Variants in BANF2 observed in about 807,000 individuals in gnomAD.
BANF2 encodes the protein BANF family member 2.
Under a neutral mutation model 8.0 loss-of-function variants are expected in BANF2, and 4 were observed. That is an observed-to-expected ratio of 0.50 (90% confidence interval 0.25 to 1.14). BANF2 has a LOEUF of 1.14. BANF2 is among the 50% of genes most tolerant of loss of function. BANF2 has a pLI of 0.16. For missense variants in BANF2, 96 were observed against 107.5 expected, an observed-to-expected ratio of 0.89 and a Z score of 0.47; for synonymous variants, 50 against 40.6, an observed-to-expected ratio of 1.23 and a Z score of -0.88.
chr20:17,731,219 T>A (rs1404610739), intron 3 of BANF2: 1 of 152,038 alleles, frequency 6.6e-6, no homozygotes, highest in Non-Finnish European at 1.5e-5. Flanking sequence ...GCCGCTATCG[T>A]GCCACTGCAC....
At chr20:17,707,761 G>A (rs1341094802) in intron 1 of BANF2, among the ~76,000 whole-genome samples, 2 of 151,272 alleles carry the variant, frequency 1.3e-5, no homozygotes, top group Non-Finnish European at 2.9e-5. Flanking sequence ...TTTGTATTTA[G>A]TAGAGACGAA....
At chr20:17,725,500 T>C (rs1300209547) in intron 3 of BANF2, among the ~76,000 whole-genome samples, 3 of 152,230 alleles carry the variant, frequency 2.0e-5, no homozygotes, top group African/African-American at 7.2e-5. Context: ...CATGCCCCCA[T>C]GAAGGGACTC....
intron 1 of BANF2, chr20:17,693,754 G>A (rs953129383): frequency 1.3e-6 from 2 of 1,547,830 alleles, no homozygotes; most frequent in African/African-American, 1.4e-5. Flanking sequence ...GGAAGAGACG[G>A]CGGGGAAAGG....
intron 1 of BANF2, among the ~76,000 whole-genome samples, chr20:17,721,929 G>T (rs2037736117): frequency 6.6e-6 from 1 of 152,188 alleles, no homozygotes; most frequent in African/African-American, 2.4e-5. Context: ...TTTGTTGTGG[G>T]GCAGTTGTGT....
At chr20:17,725,000 C>T (rs1220629920) in intron 2 of BANF2, 23 bp from the exon 3 acceptor site, 1 of 1,599,254 alleles carries the variant, frequency 6.3e-7, no homozygotes, top group South Asian at 1.1e-5. Context: ...GCTAATCCTC[C>T]TCTCTCCCCA....
At chr20:17,701,523 T>A (rs1339994029) in intron 1 of BANF2, among the ~76,000 whole-genome samples, 1 of 152,002 alleles carries the variant, frequency 6.6e-6, no homozygotes, top group Non-Finnish European at 1.5e-5. Context: ...GCAGCAAGAG[T>A]GTGCAGGCCA....
At chr20:17,723,592 G>C (rs1402479649) in intron 2 of BANF2, among the ~76,000 whole-genome samples, 1 of 152,152 alleles carries the variant, frequency 6.6e-6, no homozygotes, top group Non-Finnish European at 1.5e-5. Context: ...GTCCAAACTG[G>C]CACAGAATTT....
intron 3 of BANF2, among the ~76,000 whole-genome samples, chr20:17,729,538 A>T (rs2037863180): frequency 7.9e-5 from 12 of 152,188 alleles, no homozygotes; most frequent in Admixed American, 7.9e-4. Context: ...GGAGTTTCAG[A>T]CCAGCCTGGC....
intron 1 of BANF2, 66 bp downstream of exon 1, chr20:17,700,121 A>T: frequency 1.6e-6 from 1 of 624,856 alleles, no homozygotes; most frequent in Non-Finnish European, 2.0e-6. Context: ...CTGTCTTAGC[A>T]CTTTAAGGTC....
chr20:17,722,978 A>T, intron 2 of BANF2, 100 bp downstream of exon 2: 1 of 799,964 alleles, frequency 1.3e-6, no homozygotes, highest in East Asian at 1.3e-4. Flanking sequence ...CCATGTCCTC[A>T]GCAGAGGGGC....
rs1199521987 is a variant in BANF2 at position 17,700,031 on chromosome 20, G to A, written c.-191G>A. 13 of 984,296 alleles carry A rather than the reference G, an allele frequency of 1.3e-5. No homozygotes were observed. Among genetic ancestry groups the A allele is most frequent in the Non-Finnish European group, 1.6e-5 (13 of 828,860 alleles). 61.0% of individuals were successfully genotyped at this position (984,296 alleles called of 1,614,324 possible). A position where few individuals can be genotyped will look rare whatever the true frequency, so the allele number is the denominator to read the frequency against. On this transcript the variant is annotated 5_prime_UTR_variant, in exon 1 of 4. Transcript: ENST00000246090. ...AGGTGACTGAGACAAACTGCCAGCT[G>A]CCACTGGCTTATCAGGAGCACCTGG...
chr20:17,722,453 G>C (rs937701925), intron 1 of BANF2, among the ~76,000 whole-genome samples: 1 of 152,158 alleles, frequency 6.6e-6, no homozygotes, highest in African/African-American at 2.4e-5. Flanking sequence ...AGAAATTCTG[G>C]ATTCTCACCC....
At chr20:17,706,701 C>T (rs763125903) in intron 1 of BANF2, among the ~76,000 whole-genome samples, 3 of 152,204 alleles carry the variant, frequency 2.0e-5, no homozygotes, top group Non-Finnish European at 2.9e-5. Context: ...AACACAAATC[C>T]AGCCAGGTGT....
In BANF2 at chr20:17,712,102, C is replaced by A. The variant is rs547860813; in HGVS notation, c.-166-10614C>A. On this transcript the variant is annotated intron_variant, in intron 1 of 3. Coordinates refer to ENST00000246090, the MANE Select transcript of BANF2 (RefSeq NM_178477.5). The stretch of plus-strand genomic sequence containing the variant: ...ATGATGGCCTGAGCCTGTGGCAGTG[C>A]GGCTGCTGGAATCTGCTCCTTGCCA... 63 of 152,560 alleles carry A rather than the reference C, an allele frequency of 4.1e-4. 1 individual carries two copies. Among genetic ancestry groups the A allele is most frequent in the African/African-American group, 1.5e-3 (63 of 41,442 alleles). The allele number at this position is 152,560 out of a possible 1,614,324, so 9.5% of individuals were successfully genotyped here.
At chr20:17,728,005 G>A (rs2037833855) in intron 3 of BANF2, among the ~76,000 whole-genome samples, 1 of 152,076 alleles carries the variant, frequency 6.6e-6, no homozygotes, top group South Asian at 2.1e-4. Flanking sequence ...GGGATTACAG[G>A]CATGAGCCAC....
intron 3 of BANF2, among the ~76,000 whole-genome samples, chr20:17,735,028 G>A (rs754458526): frequency 5.3e-5 from 8 of 152,102 alleles, no homozygotes; most frequent in Non-Finnish European, 8.8e-5. Context: ...GCAGTGAGCC[G>A]AGATCACGCC....
intron 1 of BANF2, chr20:17,712,390 G>A: frequency 7.2e-6 from 2 of 277,800 alleles, no homozygotes; most frequent in Non-Finnish European, 1.1e-5. Flanking sequence ...TGTTGCCCAA[G>A]ACACTTCAGA....
chr20:17,699,672 G>A (rs1302398113), upstream of BANF2, among the ~76,000 whole-genome samples: 1 of 152,208 alleles, frequency 6.6e-6, no homozygotes, highest in Non-Finnish European at 1.5e-5. Flanking sequence ...ACGCAGGCCA[G>A]GTGAGAATAG....
chr20:17,714,555 A>T (rs1361276806), intron 1 of BANF2, among the ~76,000 whole-genome samples: 1 of 152,236 alleles, frequency 6.6e-6, no homozygotes. Context: ...AAGCTGGGAG[A>T]CAAGCTGGCT....
Sources: allele counts gnomAD v4.1 joint callset (sites outside exome capture counted in the v4.1 genomes callset), GRCh38; gene constraint gnomAD v4.1.1; transcripts MANE v1.5; gene names NCBI Gene and HGNC (gene_info 2026-07-23, HGNC 2026-07-21).